The following GFM1 variants were observed in gnomAD, a reference collection of about 807,000 sequenced individuals.
GFM1 encodes elongation factor G, mitochondrial.
GFM1 carries 62 observed loss-of-function variants against 96.2 expected under a neutral mutation model. That is an observed-to-expected ratio of 0.64 (90% confidence interval 0.53 to 0.80). The LOEUF is 0.80. Among genes scored for constraint, GFM1 ranks in the 30% least tolerant of loss-of-function variants. GFM1 has a pLI of 0.00. For synonymous variants in GFM1, 282 were observed against 312.9 expected (o/e 0.90, Z 1.04); for missense variants, 852 against 916.6 (o/e 0.93, Z 0.91).
intron 13 of GFM1, among the ~76,000 whole-genome samples, chr3:158,678,733 TG>T (rs1357860591): frequency 6.6e-6 from 1 of 152,224 alleles, no homozygotes; most frequent in Non-Finnish European, 1.5e-5. Context: ...GATAAAGCAG[TG>T]GCAAGGTTTG....
Position 158,646,728 on chromosome 3 carries a change from C to T in GFM1, c.368-15C>T, listed in dbSNP as rs746054486. On this transcript the variant is annotated splice_polypyrimidine_tract_variant and intron_variant, in intron 3 of 17. Coordinates refer to ENST00000486715, the MANE Select transcript of GFM1 (RefSeq NM_024996.7). ...GATTGCTCTTTAAGACCCTCTCATA[C>T]TTCATCTTATTCAGGGCATGTGGAC... 5.6e-6 allele frequency: 9 copies of T among 1,607,522 alleles called. 1 individual carries two copies. In the South Asian group the frequency reaches 6.6e-5, roughly 12 times the overall value.
At chr3:158,666,777 A>AT (rs764751713) in intron 13 of GFM1, 8 of 1,583,446 alleles carry the variant, frequency 5.1e-6, no homozygotes, top group Non-Finnish European at 6.9e-6. Context: ...CCATGATAAA[A>AT]TTCAGAAAAC....
At position 158,659,026 on chromosome 3, in the gene GFM1, A is replaced by G. The variant is rs1436997611; in HGVS notation, c.1188A>G (p.Gln396=). Residue 396 remains glutamine, a synonymous_variant, in exon 9 of 18, where the codon CAA becomes CAG. Coordinates refer to ENST00000486715, the MANE Select transcript of GFM1 (RefSeq NM_024996.7). ...GGACAAGAAAGAAAGTACGGTTGCAACGGCTGGCTCGCATGCATGCCGACA... is the reference window on the plus strand; with the variant it reads ...GGACAAGAAAGAAAGTACGGTTGCAGCGGCTGGCTCGCATGCATGCCGACA... ...NTRTRKKVRL[Q]RLARMHADMM... is the part of the protein sequence containing the mutation. 1 of 1,614,238 alleles carries G rather than the reference A, an allele frequency of 6.2e-7. No individual in the cohort carries two copies. Among genetic ancestry groups the G allele is most frequent in the South Asian group, 1.1e-5 (1 of 91,086 alleles).
chr3:158,669,731 G>T, intron 13 of GFM1: 2 of 946,268 alleles, frequency 2.1e-6, no homozygotes, highest in Non-Finnish European at 3.2e-6. Flanking sequence ...AGACTTCAAA[G>T]TGCTTGTTTT....
At chr3:158,666,258 G>T in intron 12 of GFM1, 46 bp from the exon 13 acceptor site, 1 of 1,393,284 alleles carries the variant, frequency 7.2e-7, no homozygotes, top group South Asian at 1.2e-5. Context: ...GTTTTCTTTC[G>T]GTTTATTTTT....
intron 10 of GFM1, among the ~76,000 whole-genome samples, chr3:158,662,355 G>A (rs1013532011): frequency 3.9e-5 from 6 of 152,176 alleles, no homozygotes; most frequent in African/African-American, 1.4e-4. Context: ...TAATTGTAGT[G>A]ATTATGTTAA....
chr3:158,646,286 T>A lies in GFM1; in HGVS notation c.356T>A (p.Ile119Lys). Reference protein sequence around the residue: ...TMWKDVNINIIDTPGHVDFTI... With the variant: ...TMWKDVNINIKDTPGHVDFTI... ...TGGAAAGATGTCAATATTAACATTA[T>A]AGATACTCCTGGTGAGTTGGATTCT... The change falls in exon 3 of 18, where the codon ATA becomes AAA. Residue 119 changes from isoleucine (I) to lysine (K), a missense_variant. Ile to Lys is a moderately radical substitution (Grantham distance 102). Transcript: ENST00000486715. 6.2e-7 allele frequency: 1 copy of A among 1,614,164 alleles called. No individual in the cohort carries two copies. Among genetic ancestry groups the A allele is most frequent in the Non-Finnish European group, 8.5e-7 (1 of 1,179,980 alleles).
intron 16 of GFM1, chr3:158,690,646 G>T: frequency 2.9e-6 from 1 of 347,130 alleles, no homozygotes; most frequent in Non-Finnish European, 5.3e-6. Flanking sequence ...AGCTTTATTT[G>T]CATAATTACT....
At chr3:158,667,525 C>T (rs1053983477) in intron 13 of GFM1, among the ~76,000 whole-genome samples, 2 of 152,214 alleles carry the variant, frequency 1.3e-5, no homozygotes, top group African/African-American at 4.8e-5. Flanking sequence ...GTGGCTCACA[C>T]CTATAATCCG....
In GFM1 at chr3:158,644,688, C is replaced by A. The variant is rs776007974; in HGVS notation, c.54C>A (p.Pro18=). Residue 18 remains proline, a synonymous_variant, in exon 1 of 18, where the codon CCC becomes CCA. Transcript: ENST00000486715. ...AVAALGRGRA[P]ASLGWQRKQV... ...CGGCTCTGGGGCGCGGAAGGGCCCC[C>A]GCCTCCCTAGGCTGGCAGAGGAAGC... 1 of 1,580,240 alleles carries A rather than the reference C, an allele frequency of 6.3e-7. No homozygotes were observed. The highest frequency in any genetic ancestry group is 8.6e-7 in the Non-Finnish European group (1 of 1,164,028).
chr3:158,648,720 C>G (rs1376465155), intron 4 of GFM1, among the ~76,000 whole-genome samples: 1 of 150,348 alleles, frequency 6.7e-6, no homozygotes, highest in Non-Finnish European at 1.5e-5. Context: ...CTCAGCTATC[C>G]TACTATTTAA....
In GFM1 at chr3:158,695,171, C is replaced by T. The variant is rs1052429250; in HGVS notation, c.*3704C>T. Among the ~76,000 whole-genome samples, 5 of 151,634 alleles carry T rather than the reference C, an allele frequency of 3.3e-5. No homozygotes were observed. The highest frequency in any genetic ancestry group is 9.7e-5 in the African/African-American group (4 of 41,250). On this transcript the variant is annotated 3_prime_UTR_variant, in exon 18 of 18. Transcript: ENST00000486715. ...GGTGGATAACCTGAGGTCAGGAGTT[C>T]GAGACCACCCTGGCCAACACGGTGA...
Position 158,693,723 on chromosome 3 carries a change from C to G in GFM1, c.*2256C>G, listed in dbSNP as rs932124254. 5 of 152,174 alleles carry G rather than the reference C, an allele frequency of 3.3e-5. No homozygotes were observed. The highest frequency in any genetic ancestry group is 2.6e-4 in the Admixed American group (4 of 15,278). 9.4% of individuals were successfully genotyped at this position (152,174 alleles called of 1,614,324 possible). A position where few individuals can be genotyped will look rare whatever the true frequency, so the allele number is the denominator to read the frequency against. Reference sequence around the variant, plus strand: ...ACATCCTTGTATTGGACAACAGTAGCAGCACTAGGTAGTATTGTACTGATT... The same window carrying G: ...ACATCCTTGTATTGGACAACAGTAGGAGCACTAGGTAGTATTGTACTGATT... On this transcript the variant is annotated 3_prime_UTR_variant, in exon 18 of 18. Coordinates refer to ENST00000486715, the MANE Select transcript of GFM1 (RefSeq NM_024996.7).
intron 8 of GFM1, among the ~76,000 whole-genome samples, chr3:158,655,474 A>C (rs1722671737): frequency 7.0e-6 from 1 of 142,926 alleles, no homozygotes; most frequent in Non-Finnish European, 1.5e-5. Flanking sequence ...ACAGAGCAAG[A>C]CTTCATCTCG....
chr3:158,692,830 T>G lies in GFM1; in HGVS notation c.*1363T>G, dbSNP rs1726414819. Among the ~76,000 whole-genome samples, 1 of 152,134 alleles carries G rather than the reference T, an allele frequency of 6.6e-6. No individual in the cohort carries two copies. Among genetic ancestry groups the G allele is most frequent in the African/African-American group, 2.4e-5 (1 of 41,448 alleles). On this transcript the variant is annotated 3_prime_UTR_variant, in exon 18 of 18. Transcript: ENST00000486715. ...TCTCAGCTGCCTAAGTAGGTGGGAC[T>G]ACAGGTGTGCGCCACCACTCCCTGC...
At chr3:158,674,246 A>G (rs1400287711) in intron 13 of GFM1, among the ~76,000 whole-genome samples, 3 of 151,744 alleles carry the variant, frequency 2.0e-5, no homozygotes, top group Non-Finnish European at 4.4e-5. Context: ...ACACCTGGCT[A>G]ATTTTTTTGT....
In GFM1 at chr3:158,691,508, G is replaced by T. The variant is rs201251650; in HGVS notation, c.*41G>T. On this transcript the variant is annotated 3_prime_UTR_variant, in exon 18 of 18. Transcript: ENST00000486715. ...GTTGACTGACTCTAATTGAATCTGCGTGGTTTTGATACTTTGATGGATTCC... is the reference window on the plus strand; with the variant it reads ...GTTGACTGACTCTAATTGAATCTGCTTGGTTTTGATACTTTGATGGATTCC... 1 of 1,609,050 alleles carries T rather than the reference G, an allele frequency of 6.2e-7. No individual in the cohort carries two copies.
chr3:158,687,768 G>T (rs1725982988), intron 15 of GFM1, among the ~76,000 whole-genome samples: 1 of 151,978 alleles, frequency 6.6e-6, no homozygotes, highest in Non-Finnish European at 1.5e-5. Flanking sequence ...ACTGCGCCTG[G>T]CCTATATAAT....
intron 13 of GFM1, among the ~76,000 whole-genome samples, chr3:158,671,876 G>C (rs1378882236): frequency 6.6e-6 from 1 of 152,206 alleles, no homozygotes; most frequent in Non-Finnish European, 1.5e-5. Context: ...TTGATTGTCA[G>C]TTTCTCTTGC....
Sources: gnomAD v4.1 joint callset for allele counts (sites outside exome capture counted in the v4.1 genomes callset) on GRCh38, gnomAD v4.1.1 for gene constraint, MANE v1.5 for transcripts, NCBI Gene and HGNC (gene_info 2026-07-23, HGNC 2026-07-21) for gene names.